TMEM217B: variants seen among roughly 807,000 people sequenced by gnomAD.
TMEM217B encodes transmembrane protein 217B, also known as putative transmembrane protein 217B.
the TMEM217B span, among the ~76,000 whole-genome samples, chr6:37,222,211 G>A: frequency 6.6e-6 from 1 of 152,232 alleles, no homozygotes; most frequent in Non-Finnish European, 1.5e-5. Context: ...CTGCAGGACT[G>A]GCGGCCTGGC....
chr6:37,248,149 C>T, the TMEM217B span, among the ~76,000 whole-genome samples: 4 of 152,224 alleles, frequency 2.6e-5, no homozygotes, highest in South Asian at 4.1e-4. Flanking sequence ...CACTCTGTGT[C>T]TTCTTAGGAC....
chr6:37,233,323 T>C, the TMEM217B span, among the ~76,000 whole-genome samples: 1 of 152,214 alleles, frequency 6.6e-6, no homozygotes, highest in African/African-American at 2.4e-5. Flanking sequence ...TTCTGATCCA[T>C]CTTAGTCCAT....
At chr6:37,216,013 G>A in the TMEM217B span, among the ~76,000 whole-genome samples, 7 of 150,476 alleles carry the variant, frequency 4.7e-5, no homozygotes. Context: ...GTGTGTGTGT[G>A]TGTGTGTGTG....
chr6:37,215,317 T>C, the TMEM217B span: 1 of 1,606,578 alleles, frequency 6.2e-7, no homozygotes, highest in South Asian at 1.1e-5. Flanking sequence ...ATAAAAATTG[T>C]TTTTAATTAA....
At chr6:37,248,865 C>A in the TMEM217B span, among the ~76,000 whole-genome samples, 1 of 152,156 alleles carries the variant, frequency 6.6e-6, no homozygotes. Flanking sequence ...GAAATTTGTT[C>A]TCTTAAGGTT....
At chr6:37,222,085 A>G in the TMEM217B span, among the ~76,000 whole-genome samples, 72 of 152,224 alleles carry the variant, frequency 4.7e-4, no homozygotes, top group African/African-American at 1.7e-3. Flanking sequence ...TCCTCTAGCC[A>G]TCCTCTGCCC....
the TMEM217B span, among the ~76,000 whole-genome samples, chr6:37,238,301 T>C: frequency 6.6e-6 from 1 of 152,188 alleles, no homozygotes; most frequent in East Asian, 1.9e-4. Context: ...TATGTAAGTA[T>C]TTTTGTTATC....
the TMEM217B span, among the ~76,000 whole-genome samples, chr6:37,252,637 ATTTTTTT>A: frequency 8.4e-3 from 599 of 71,248 alleles, 2 homozygotes; most frequent in African/African-American, 0.011. Context: ...ATATATATAT[ATTTTTTT>A]TTTTTTTTTT....
the TMEM217B span, among the ~76,000 whole-genome samples, chr6:37,234,552 A>T: frequency 6.6e-6 from 1 of 152,094 alleles, no homozygotes; most frequent in African/African-American, 2.4e-5. Context: ...GAGGAATGGC[A>T]GTGAGTGTGT....
chr6:37,237,702 G>GTCAAAA, the TMEM217B span, among the ~76,000 whole-genome samples: 1 of 152,008 alleles, frequency 6.6e-6, no homozygotes, highest in South Asian at 2.1e-4. Flanking sequence ...GGAGTCAAAA[G>GTCAAAA]GAACAACTGT....
the TMEM217B span, among the ~76,000 whole-genome samples, chr6:37,230,934 G>A: frequency 1.3e-5 from 2 of 151,964 alleles, no homozygotes; most frequent in African/African-American, 4.8e-5. Flanking sequence ...CAACACAAAG[G>A]TTTTTTGTTA....
At chr6:37,221,638 G>A in the TMEM217B span, among the ~76,000 whole-genome samples, 7 of 152,164 alleles carry the variant, frequency 4.6e-5, no homozygotes, top group Non-Finnish European at 5.9e-5. Context: ...TGAAGAAACA[G>A]GAAACCATAG....
chr6:37,221,052 T>A, the TMEM217B span, among the ~76,000 whole-genome samples: 16 of 152,178 alleles, frequency 1.1e-4, no homozygotes, highest in Admixed American at 9.2e-4. Context: ...TCTAGAACTT[T>A]TTCATCTTGC....
the TMEM217B span, among the ~76,000 whole-genome samples, chr6:37,238,144 T>C: frequency 1.4e-5 from 2 of 142,792 alleles, no homozygotes; most frequent in Non-Finnish European, 3.0e-5. Flanking sequence ...ATTGTATGTA[T>C]ATAAAGTAGA....
At chr6:37,224,032 G>T in the TMEM217B span, among the ~76,000 whole-genome samples, 7 of 151,224 alleles carry the variant, frequency 4.6e-5, no homozygotes, top group Admixed American at 1.3e-4. Flanking sequence ...CGCCTCCTGG[G>T]TTCAAGCGAT....
At chr6:37,221,987 A>AG in the TMEM217B span, among the ~76,000 whole-genome samples, 2 of 152,112 alleles carry the variant, frequency 1.3e-5, no homozygotes, top group African/African-American at 4.8e-5. Flanking sequence ...TCCTCTCTGT[A>AG]GCTGGTCCTC....
chr6:37,247,116 A>T, the TMEM217B span, among the ~76,000 whole-genome samples: 1 of 152,184 alleles, frequency 6.6e-6, no homozygotes, highest in Non-Finnish European at 1.5e-5. Flanking sequence ...CCTAGAGGAA[A>T]AGGTAACATA....
At chr6:37,251,634 C>G in the TMEM217B span, among the ~76,000 whole-genome samples, 1 of 152,152 alleles carries the variant, frequency 6.6e-6, no homozygotes, top group Non-Finnish European at 1.5e-5. Context: ...TGGATACACA[C>G]ATATGTAATA....
chr6:37,244,670 T>C, the TMEM217B span, among the ~76,000 whole-genome samples: 4 of 152,356 alleles, frequency 2.6e-5, no homozygotes, highest in South Asian at 8.3e-4. Context: ...TGGCCGTATA[T>C]TGTCACAATA....
Sources: allele counts gnomAD v4.1 joint callset (sites outside exome capture counted in the v4.1 genomes callset), GRCh38; gene constraint gnomAD v4.1.1; transcripts MANE v1.5; gene names NCBI Gene and HGNC (gene_info 2026-07-23, HGNC 2026-07-21).